The following PAN3 variants were observed in gnomAD, a reference collection of about 807,000 sequenced individuals.
PAN3 encodes the protein poly(A) specific ribonuclease subunit PAN3, also known as PAN2-PAN3 deadenylation complex subunit PAN3.
PAN3 carries 19 observed loss-of-function variants against 96.2 expected under a neutral mutation model. That is an observed-to-expected ratio of 0.20 (90% confidence interval 0.14 to 0.29). The LOEUF (loss-of-function observed/expected upper bound fraction) is 0.29, where lower values mean the gene tolerates loss of function less well. Ranked by LOEUF, PAN3 falls within the 10% of genes least tolerant of loss-of-function variation. The probability of loss-of-function intolerance (pLI) is 1.00; values close to 1 mark genes in which losing one functional copy is unlikely to be tolerated. For synonymous variants in PAN3, 433 were observed against 406.6 expected, an observed-to-expected ratio of 1.06 and a Z score of -0.78; for missense variants, 882 against 1,108.1, an observed-to-expected ratio of 0.80 and a Z score of 2.90.
At chr13:28,191,537 C>A (rs79022203) in intron 4 of PAN3, among the ~76,000 whole-genome samples, 1 of 152,080 alleles carries the variant, frequency 6.6e-6, no homozygotes, top group East Asian at 1.9e-4. Context: ...GACAGCCCCC[C>A]ACAAGAAAGA....
At chr13:28,285,607 T>A (rs1047340844) in intron 17 of PAN3, among the ~76,000 whole-genome samples, 1 of 152,134 alleles carries the variant, frequency 6.6e-6, no homozygotes, top group African/African-American at 2.4e-5. Context: ...CTTTAATAAC[T>A]TCTTGTCCTG....
At chr13:28,219,383 C>G (rs1304755611) in intron 5 of PAN3, among the ~76,000 whole-genome samples, 1 of 151,816 alleles carries the variant, frequency 6.6e-6, no homozygotes, top group East Asian at 1.9e-4. Context: ...TTGGGTTAGC[C>G]TGGTGACTTG....
intron 1 of PAN3, among the ~76,000 whole-genome samples, chr13:28,163,027 A>G (rs1873080714): frequency 6.6e-6 from 1 of 151,990 alleles, no homozygotes; most frequent in Non-Finnish European, 1.5e-5. Flanking sequence ...AGGCCAATGC[A>G]GGAGGATCAC....
At chr13:28,188,027 C>G (rs1566169756) in intron 4 of PAN3, among the ~76,000 whole-genome samples, 2 of 152,166 alleles carry the variant, frequency 1.3e-5, no homozygotes, top group South Asian at 4.1e-4. Context: ...TTAAAATGAT[C>G]TATGTTTTAT....
Position 28,138,846 on chromosome 13 carries a change from G to C in PAN3, c.189G>C (p.Glu63Asp). The C allele has an allele frequency of 7.0e-7, 1 of 1,424,822 alleles. No individual in the cohort carries two copies. The highest frequency in any genetic ancestry group is 9.1e-7 in the Non-Finnish European group (1 of 1,094,338). 88.3% of individuals were successfully genotyped at this position (1,424,822 alleles called of 1,614,324 possible). ...ATAAGACTTGCTTCTACGGGGAGGA[G>C]TGTCAGTTCCTGCATGAGGACCCTG... ...AKDKTCFYGEECQFLHEDPAA... is the reference protein window; with the variant it reads ...AKDKTCFYGEDCQFLHEDPAA... Residue 63 changes from glutamate (E) to aspartate (D), a missense_variant, in exon 1 of 19, where the codon GAG becomes GAC. Glu to Asp is a conservative substitution (Grantham distance 45, BLOSUM62 2). Around this residue, in one of 3 missense-constraint regions of PAN3, gnomAD observed 442 missense variants for 422.8 expected, o/e 1.05. Coordinates refer to ENST00000380958, the MANE Select transcript of PAN3 (RefSeq NM_175854.8).
chr13:28,154,924 C>T (rs1473946085), intron 1 of PAN3, among the ~76,000 whole-genome samples: 1 of 150,942 alleles, frequency 6.6e-6, no homozygotes, highest in Admixed American at 6.6e-5. Flanking sequence ...GGGTTCACGC[C>T]ATTCTCCTGC....
chr13:28,265,135 A>G (rs974371581), intron 9 of PAN3, among the ~76,000 whole-genome samples: 9 of 152,248 alleles, frequency 5.9e-5, no homozygotes, highest in African/African-American at 2.2e-4. Context: ...TTCCTTATGG[A>G]CATTATACCA....
At chr13:28,212,526 A>G (rs564360696) in intron 5 of PAN3, among the ~76,000 whole-genome samples, 2 of 152,318 alleles carry the variant, frequency 1.3e-5, no homozygotes, top group South Asian at 4.1e-4. Flanking sequence ...AATCATTCAA[A>G]ACTGATCCAG....
Position 28,197,967 on chromosome 13 carries a change from G to A in PAN3, c.852+621G>A, listed in dbSNP as rs552780287. Among the ~76,000 whole-genome samples the A allele has an allele frequency of 4.0e-3, 611 of 152,134 alleles. 7 individuals carry two copies. Among genetic ancestry groups the A allele is most frequent in the African/African-American group, 0.014 (583 of 41,510 alleles). Reference sequence around the variant, plus strand: ...TACTACCCAAGAGTTATTCAGGATAGGACTACATTGAAGAGTCATATAAGG... The same window carrying A: ...TACTACCCAAGAGTTATTCAGGATAAGACTACATTGAAGAGTCATATAAGG... On this transcript the variant is annotated intron_variant, in intron 5 of 18. Transcript: ENST00000380958.
chr13:28,215,418 T>C (rs750211767), intron 5 of PAN3: 1 of 717,622 alleles, frequency 1.4e-6, no homozygotes, highest in Non-Finnish European at 2.6e-6. Flanking sequence ...GTGAAGCTCT[T>C]CTTGGAGACA....
intron 1 of PAN3, among the ~76,000 whole-genome samples, chr13:28,145,896 A>G (rs1870563395): frequency 6.7e-6 from 1 of 148,826 alleles, no homozygotes; most frequent in African/African-American, 2.5e-5. Flanking sequence ...CCTCCTGAGT[A>G]GCTAGGATTA....
intron 6 of PAN3, among the ~76,000 whole-genome samples, chr13:28,245,115 G>C (rs563145676): frequency 3.4e-3 from 510 of 152,210 alleles, no homozygotes; most frequent in South Asian, 6.4e-3. Context: ...CCAAAGCGCC[G>C]GGATTATAGG....
At chr13:28,277,592 G>C (rs1366846920) in intron 15 of PAN3, among the ~76,000 whole-genome samples, 1 of 152,138 alleles carries the variant, frequency 6.6e-6, no homozygotes, top group Non-Finnish European at 1.5e-5. Context: ...TTTGGTTAAA[G>C]GGCACCCAGT....
chr13:28,148,537 G>A (rs935536188), intron 1 of PAN3, among the ~76,000 whole-genome samples: 3 of 152,158 alleles, frequency 2.0e-5, no homozygotes, highest in Admixed American at 6.5e-5. Context: ...ACATGCACAG[G>A]TTAAAAATTT....
chr13:28,209,566 A>G (rs45437395), intron 5 of PAN3, among the ~76,000 whole-genome samples: 1,560 of 152,278 alleles, frequency 0.01, 25 homozygotes, highest in African/African-American at 0.035. Flanking sequence ...ACATGACCAA[A>G]TCCCTACTGG....
intron 4 of PAN3, among the ~76,000 whole-genome samples, chr13:28,194,582 C>T (rs561026876): frequency 1.3e-5 from 2 of 150,690 alleles, no homozygotes; most frequent in Admixed American, 1.3e-4. Context: ...GCAATTCTGC[C>T]TCAGCCTCCC....
chr13:28,174,334 A>C lies in PAN3; in HGVS notation c.493A>C (p.Ser165Arg). The change falls in exon 2 of 19, where the codon AGC becomes CGC. Residue 165 changes from serine to arginine, a missense_variant. Ser to Arg is a moderately radical substitution (Grantham distance 110). Transcript: ENST00000380958. ...TSLTDSYFST[S>R]FIGVNGFGSP... is the part of the protein sequence containing the mutation. ...TCTCACAGATTCCTATTTTAGCACC[A>C]GCTTTATTGGAGTCAATGGATTTGG... is the stretch of plus-strand genomic sequence containing the variant. The C allele has an allele frequency of 6.2e-7, 1 of 1,612,362 alleles. No homozygotes were observed. Among genetic ancestry groups the C allele is most frequent in the Non-Finnish European group, 8.5e-7 (1 of 1,178,444 alleles).
intron 9 of PAN3, among the ~76,000 whole-genome samples, chr13:28,262,266 A>G (rs372375226): frequency 3.3e-5 from 5 of 152,242 alleles, no homozygotes; most frequent in East Asian, 3.8e-4. Context: ...TAACTGTACC[A>G]CAATATTTCT....
Position 28,292,519 on chromosome 13 carries a change from G to A in PAN3, c.2661G>A (p.Leu887=). ...QELIAAANGQ[L] Reference sequence around the variant, plus strand: ...TGATTGCAGCTGCAAATGGTCAGTTGTAGTATTTGCTAAAAAAGCACGCAG... The same window carrying A: ...TGATTGCAGCTGCAAATGGTCAGTTATAGTATTTGCTAAAAAAGCACGCAG... The change falls in exon 19 of 19, where the codon TTG becomes TTA. Residue 887 remains leucine, a synonymous_variant. Transcript: ENST00000380958. 6.8e-6 allele frequency: 11 copies of A among 1,606,424 alleles called. No homozygotes were observed. The highest frequency in any genetic ancestry group is 8.5e-6 in the Non-Finnish European group (10 of 1,177,388).
Sources: allele counts gnomAD v4.1 joint callset (sites outside exome capture counted in the v4.1 genomes callset), GRCh38; gene constraint gnomAD v4.1.1; regional missense constraint gnomAD v4.1.1; transcripts MANE v1.5; gene names NCBI Gene and HGNC (gene_info 2026-07-23, HGNC 2026-07-21).